The following LRRC74B variants were observed in gnomAD, a reference collection of about 807,000 sequenced individuals.
LRRC74B encodes leucine rich repeat containing 74B.
In LRRC74B, 30 loss-of-function variants were observed where a neutral mutation model predicts 16.6. That is an observed-to-expected ratio of 1.80 (90% CI 1.35 to 2.45). LRRC74B has a LOEUF of 2.45. Among genes scored for constraint, LRRC74B ranks in the 30% most tolerant of loss-of-function variants. The probability of loss-of-function intolerance (pLI) is 0.00; values close to 1 mark genes in which losing one functional copy is unlikely to be tolerated. For synonymous variants in LRRC74B, 134 were observed against 86.0 expected (o/e 1.56, Z -3.09); for missense variants, 326 against 202.4 (o/e 1.61, Z -3.71).
chr22:21,056,995 TG>T, intron 7 of LRRC74B, 109 bp from the exon 8 acceptor site: 1 of 643,146 alleles, frequency 1.6e-6, no homozygotes, highest in Non-Finnish European at 2.8e-6. Flanking sequence ...CGAAACAGTG[TG>T]GCCATAGTGG....
intron 4 of LRRC74B, among the ~76,000 whole-genome samples, chr22:21,050,685 G>A (rs1306378886): frequency 6.6e-6 from 1 of 151,392 alleles, no homozygotes; most frequent in Non-Finnish European, 1.5e-5. Context: ...GGCTGAGGCA[G>A]GAGAATGGCA....
intron 4 of LRRC74B, among the ~76,000 whole-genome samples, 172 bp from the exon 5 acceptor site, chr22:21,052,077 A>G (rs1220040620): frequency 2.6e-5 from 4 of 152,204 alleles, no homozygotes; most frequent in South Asian, 4.1e-4. Flanking sequence ...ATACATTTGC[A>G]TTTGTATCTC....
chr22:21,054,276 G>A (rs938448543), intron 6 of LRRC74B, among the ~76,000 whole-genome samples: 1 of 152,258 alleles, frequency 6.6e-6, no homozygotes, highest in African/African-American at 2.4e-5. Context: ...AGGCTGCATT[G>A]CAACAGAGCG....
At chr22:21,060,104 G>C (rs768925650) in intron 8 of LRRC74B, among the ~76,000 whole-genome samples, 5 of 152,140 alleles carry the variant, frequency 3.3e-5, no homozygotes, top group African/African-American at 4.8e-5. Context: ...CAGGAGCTCA[G>C]GGATGAAGTG....
At chr22:21,061,984 T>A (rs1350312280), downstream of LRRC74B, 1 of 152,192 alleles carries the variant, frequency 6.6e-6, no homozygotes, top group Non-Finnish European at 1.5e-5. Context: ...TTTACATGAA[T>A]GAACCGTATG....
intron 4 of LRRC74B, 46 bp from the exon 5 acceptor site, chr22:21,052,203 G>T (rs769635493): frequency 1.4e-6 from 1 of 716,334 alleles, no homozygotes; most frequent in South Asian, 1.5e-5. Context: ...ATCTTTTGAA[G>T]GAGTGAAGAG....
At chr22:21,046,829 C>T (rs1401075269) in intron 1 of LRRC74B, among the ~76,000 whole-genome samples, 4 of 151,882 alleles carry the variant, frequency 2.6e-5, no homozygotes, top group East Asian at 1.9e-4. Context: ...GGGTGGCTCA[C>T]GCCTGTAATC....
At chr22:21,046,460 C>G (rs1318497528) in intron 1 of LRRC74B, among the ~76,000 whole-genome samples, 4 of 149,840 alleles carry the variant, frequency 2.7e-5, no homozygotes, top group African/African-American at 4.9e-5. Flanking sequence ...GGCCTGCAAT[C>G]CAGGTTAAAA....
At chr22:21,061,074 T>A (rs1400857811), downstream of LRRC74B, among the ~76,000 whole-genome samples, 2 of 152,154 alleles carry the variant, frequency 1.3e-5, no homozygotes, top group African/African-American at 2.4e-5. Context: ...ACACTTGTAA[T>A]CCCAGCCCTT....
intron 4 of LRRC74B, among the ~76,000 whole-genome samples, chr22:21,050,106 T>C (rs1204963248): frequency 6.6e-6 from 1 of 152,080 alleles, no homozygotes; most frequent in African/African-American, 2.4e-5. Flanking sequence ...GTGTGATCTC[T>C]GCTCACTGCA....
At chr22:21,048,487 C>A (rs1214037036) in intron 3 of LRRC74B, 1 of 253,406 alleles carries the variant, frequency 3.9e-6, no homozygotes, top group Admixed American at 4.9e-5. Flanking sequence ...GAAATGGCCC[C>A]CAAAATACCT....
At chr22:21,047,704 G>A (rs1399533171) in intron 2 of LRRC74B, among the ~76,000 whole-genome samples, 180 bp from the exon 3 acceptor site, 1 of 152,118 alleles carries the variant, frequency 6.6e-6, no homozygotes, top group Non-Finnish European at 1.5e-5. Context: ...CTCCTAACCC[G>A]CTGGGGGGTC....
At chr22:21,050,517 G>T (rs1301493442) in intron 4 of LRRC74B, among the ~76,000 whole-genome samples, 2 of 151,466 alleles carry the variant, frequency 1.3e-5, no homozygotes, top group Non-Finnish European at 2.9e-5. Flanking sequence ...GGTGGCTCAC[G>T]CCTGTAATCC....
exon 5 of LRRC74B, chr22:21,052,312 A>G (rs1433029089): frequency 2.8e-6 from 2 of 717,428 alleles, no homozygotes; most frequent in Non-Finnish European, 5.2e-6. Context: ...GTGAGCTGGA[A>G]TCACCTCCGG....
chr22:21,047,455 G>C (rs1409363197), exon 2 of LRRC74B: 1 of 717,420 alleles, frequency 1.4e-6, no homozygotes, highest in African/African-American at 1.7e-5. Flanking sequence ...CGCCAAGGGA[G>C]CGCCCAAGAG....
At chr22:21,053,249 C>T in intron 5 of LRRC74B, 111 bp from the exon 6 acceptor site, 1 of 626,570 alleles carries the variant, frequency 1.6e-6, no homozygotes, top group Admixed American at 2.6e-5. Context: ...TCCCCTTCTG[C>T]CCTTTATCTC....
Position 21,048,019 on chromosome 22 carries a change from A to G in LRRC74B, c.415+3A>G, listed in dbSNP as rs1334313672. On this transcript the variant is annotated splice_donor_region_variant and intron_variant, in intron 3 of 8. Transcript: ENST00000442047. ...GAGCAAAAGCAGCAGCATCCATGGT[A>G]GGTGCTGGGTCTGGGGCAGGTGGGC... 3 of 717,106 alleles carry G rather than the reference A, an allele frequency of 4.2e-6. No homozygotes were observed. The highest frequency in any genetic ancestry group is 2.0e-5 in the Admixed American group (1 of 49,968). The allele number at this position is 717,106 out of a possible 1,614,324, so 44.4% of individuals were successfully genotyped here.
downstream of LRRC74B, chr22:21,060,660 A>C (rs1240935267): frequency 1.7e-6 from 1 of 599,578 alleles, no homozygotes; most frequent in East Asian, 2.8e-5. Context: ...CTAAGTCCAC[A>C]CGGTGCTCAC....
At chr22:21,047,461 A>G in exon 2 of LRRC74B, 1 of 717,518 alleles carries the variant, frequency 1.4e-6, no homozygotes, top group East Asian at 2.7e-5. Flanking sequence ...GGGAGCGCCC[A>G]AGAGCTGAAC....
Sources: allele counts gnomAD v4.1 joint callset (sites outside exome capture counted in the v4.1 genomes callset), GRCh38; gene constraint gnomAD v4.1.1; transcripts MANE v1.5; gene names NCBI Gene and HGNC (gene_info 2026-07-23, HGNC 2026-07-21).